Variants in ANGPTL2 observed in about 807,000 individuals in gnomAD.
ANGPTL2 encodes angiopoietin like 2, also known as angiopoietin-related protein 2.
A neutral mutation model predicts 52.8 loss-of-function variants in ANGPTL2; 25 were observed. The ratio of observed to expected loss-of-function variants is 0.47; its 90% CI spans 0.35 to 0.66. ANGPTL2 has a LOEUF of 0.66. Among genes scored for constraint, ANGPTL2 ranks in the 30% least tolerant of loss-of-function variants. The pLI, the probability that ANGPTL2 is intolerant of heterozygous loss-of-function variation, is 0.01. For synonymous variants in ANGPTL2, 276 were observed against 277.4 expected, an observed-to-expected ratio of 1.00 and a Z score of 0.05; for missense variants, 546 against 656.9, an observed-to-expected ratio of 0.83 and a Z score of 1.84.
intron 1 of ANGPTL2, among the ~76,000 whole-genome samples, chr9:127,115,428 C>T (rs935992868): frequency 1.3e-5 from 2 of 152,196 alleles, no homozygotes; most frequent in Non-Finnish European, 1.5e-5. Flanking sequence ...AATAGCACCC[C>T]CTTTTCACTC....
At chr9:127,117,410 T>C (rs2055549803) in intron 1 of ANGPTL2, among the ~76,000 whole-genome samples, 1 of 152,248 alleles carries the variant, frequency 6.6e-6, no homozygotes, top group Non-Finnish European at 1.5e-5. Flanking sequence ...ATTTGTATAA[T>C]GTATTTCCCA....
rs531308515 is a variant in ANGPTL2 at position 127,121,813 on chromosome 9, C to T, written c.-50+502G>A. On this transcript the variant is annotated intron_variant, in intron 1 of 4. Transcript: ENST00000373425. ...GGGTGTGAGCAGAGGCAGCCCAGCTCCTGTAACTCTCCGAGCAGGGGCTCC... is the reference window on the plus strand; with the variant it reads ...GGGTGTGAGCAGAGGCAGCCCAGCTTCTGTAACTCTCCGAGCAGGGGCTCC... Among the ~76,000 whole-genome samples, 8 of 152,300 alleles carry T rather than the reference C, an allele frequency of 5.3e-5. No individual in the cohort carries two copies. The South Asian group carries it at 1.5e-3, about 28-fold the overall frequency.
chr9:127,118,762 C>G (rs544362441), intron 1 of ANGPTL2, among the ~76,000 whole-genome samples: 1 of 152,336 alleles, frequency 6.6e-6, no homozygotes, highest in South Asian at 2.1e-4. Context: ...AGCCCCTCCC[C>G]CATCTGCCTG....
chr9:127,112,237 GA>G (rs2054893698), intron 1 of ANGPTL2, among the ~76,000 whole-genome samples: 1 of 152,252 alleles, frequency 6.6e-6, no homozygotes, highest in South Asian at 2.1e-4. Context: ...GACGTCAGTG[GA>G]AACCCAGCTG....
chr9:127,092,054 G>A, intron 3 of ANGPTL2, 114 bp from the exon 4 acceptor site: 1 of 1,323,882 alleles, frequency 7.6e-7, no homozygotes. Context: ...AGCAGAGCAT[G>A]AAGCAGACCT....
intron 2 of ANGPTL2, among the ~76,000 whole-genome samples, chr9:127,100,500 A>T (rs1473547785): frequency 6.6e-6 from 1 of 152,180 alleles, no homozygotes; most frequent in East Asian, 1.9e-4. Flanking sequence ...AAGACATTTT[A>T]AAAAAGAGTT....
Position 127,093,780 on chromosome 9 carries a change from G to A in ANGPTL2, c.964C>T (p.Arg322Cys), listed in dbSNP as rs1393939217. Residue 322 changes from arginine to cysteine, a missense_variant, in exon 3 of 5, where the codon CGC (arginine) becomes TGC (cysteine). By Grantham distance (180) the Arg-to-Cys change is radical. Coordinates refer to ENST00000373425, the MANE Select transcript of ANGPTL2 (RefSeq NM_012098.3). ...DPGGWTVIQR[R>C]LDGSVNFFRN... ...AAGAAGTTAACAGAGCCATCCAGGC[G>A]TCTCTGGATGACGGTCCAGCCCCCG... The A allele has an allele frequency of 1.9e-6, 3 of 1,613,884 alleles. No homozygotes were observed. Among genetic ancestry groups the A allele is most frequent in the South Asian group, 1.1e-5 (1 of 91,058 alleles).
rs2052064357 is a variant in ANGPTL2, at chr9:127,088,684, A to G, written c.*255T>C. 3.8e-6 allele frequency: 2 copies of G among 531,938 alleles called. No homozygotes were observed. Among genetic ancestry groups the G allele is most frequent in the Non-Finnish European group, 6.7e-6 (2 of 298,080 alleles). 33.0% of individuals were successfully genotyped at this position (531,938 alleles called of 1,614,324 possible). Reference sequence around the variant, plus strand: ...TTGTAGAGACTTAATTTATTTAAAGAAAGAGTTGTCTGTAGTCCTGTCCTG... The same window carrying G: ...TTGTAGAGACTTAATTTATTTAAAGGAAGAGTTGTCTGTAGTCCTGTCCTG... On this transcript the variant is annotated 3_prime_UTR_variant, in exon 5 of 5. Coordinates refer to ENST00000373425, the MANE Select transcript of ANGPTL2 (RefSeq NM_012098.3).
intron 3 of ANGPTL2, among the ~76,000 whole-genome samples, chr9:127,093,069 T>A (rs901927193): frequency 6.6e-6 from 1 of 152,048 alleles, no homozygotes; most frequent in Non-Finnish European, 1.5e-5. Context: ...TTAAACAAAA[T>A]AATGCACGAA....
intron 1 of ANGPTL2, among the ~76,000 whole-genome samples, chr9:127,121,621 T>C (rs2056093279): frequency 6.6e-6 from 1 of 152,240 alleles, no homozygotes; most frequent in Non-Finnish European, 1.5e-5. Context: ...CGACTTGGTA[T>C]GTGGAGCCCC....
intron 4 of ANGPTL2, among the ~76,000 whole-genome samples, chr9:127,090,658 G>A (rs72764376): frequency 0.024 from 3,732 of 152,332 alleles, 69 homozygotes; most frequent in Middle Eastern, 0.061. Flanking sequence ...TTGAGAGCTC[G>A]CTTCTCAAGT....
At chr9:127,101,375 G>A (rs1157402337) in intron 2 of ANGPTL2, among the ~76,000 whole-genome samples, 4 of 152,132 alleles carry the variant, frequency 2.6e-5, no homozygotes, top group Non-Finnish European at 2.9e-5. Context: ...TAGGATTGTT[G>A]GGGATCTGTG....
chr9:127,099,854 C>T (rs1291785707), intron 2 of ANGPTL2, among the ~76,000 whole-genome samples: 2 of 152,226 alleles, frequency 1.3e-5, no homozygotes, highest in African/African-American at 2.4e-5. Context: ...GGTCCAAATG[C>T]TTGTGCCTGC....
chr9:127,089,171 G>C (rs956146815), intron 4 of ANGPTL2, 33 bp from the exon 5 acceptor site: 1 of 1,610,418 alleles, frequency 6.2e-7, no homozygotes, highest in Non-Finnish European at 8.5e-7. Flanking sequence ...AGGGTGTCTG[G>C]GAGGAGGCCA....
chr9:127,110,930 C>G (rs540469029), intron 1 of ANGPTL2, among the ~76,000 whole-genome samples: 13 of 152,250 alleles, frequency 8.5e-5, no homozygotes, highest in African/African-American at 3.1e-4. Flanking sequence ...TACCTTCTGT[C>G]CTCAACTTCA....
chr9:127,089,469 C>T (rs1028410612), intron 4 of ANGPTL2, among the ~76,000 whole-genome samples: 1 of 152,148 alleles, frequency 6.6e-6, no homozygotes, highest in Non-Finnish European at 1.5e-5. Flanking sequence ...ACACCTAGCC[C>T]AGGGCTGGGT....
chr9:127,097,513 C>T (rs1007178705), intron 2 of ANGPTL2, among the ~76,000 whole-genome samples: 1 of 152,212 alleles, frequency 6.6e-6, no homozygotes, highest in Non-Finnish European at 1.5e-5. Flanking sequence ...AAACACATTT[C>T]CTTTTCACAC....
rs1292760052 is a variant in ANGPTL2 at position 127,091,386 on chromosome 9, G to A, written c.1282+284C>T. 3.3e-5 allele frequency among the ~76,000 whole-genome samples: 5 copies of A among 152,194 alleles called. No homozygotes were observed. Among genetic ancestry groups the A allele is most frequent in the African/African-American group, 1.2e-4 (5 of 41,442 alleles). ...AGCCCAACACATGTCTTTCTGCATT[G>A]GCCCCAGCTGGCCCTGGTACGTGTG... On this transcript the variant is annotated intron_variant, in intron 4 of 4. Transcript: ENST00000373425. The surrounding 1 kb of genome is among the most constrained non-coding windows in gnomAD (Gnocchi z 4.3).
At chr9:127,114,333 A>T (rs550193960) in intron 1 of ANGPTL2, among the ~76,000 whole-genome samples, 1 of 152,334 alleles carries the variant, frequency 6.6e-6, no homozygotes, top group East Asian at 1.9e-4. Flanking sequence ...AGATTTGAGG[A>T]TCGTGAGTCA....
Sources: allele counts gnomAD v4.1 joint callset (sites outside exome capture counted in the v4.1 genomes callset), GRCh38; gene constraint gnomAD v4.1.1; non-coding constraint Gnocchi (gnomAD v3.1); transcripts MANE v1.5; gene names NCBI Gene and HGNC (gene_info 2026-07-23, HGNC 2026-07-21).